The following PDZD2 variants were observed in gnomAD, a reference collection of about 807,000 sequenced individuals.
The protein encoded by PDZD2 is PDZ domain-containing protein 2.
PDZD2 carries 90 observed loss-of-function variants against 220.7 expected under a neutral mutation model. That is an observed-to-expected ratio of 0.41 (90% CI 0.34 to 0.49). The LOEUF is 0.49. Ranked by LOEUF, PDZD2 falls within the 20% of genes least tolerant of loss-of-function variation. The pLI is 0.28. For missense variants in PDZD2, 3,174 were observed against 3,608.5 expected, an observed-to-expected ratio of 0.88 and a Z score of 3.08; for synonymous variants, 1,375 against 1,450.5, an observed-to-expected ratio of 0.95 and a Z score of 1.18.
chr5:31,777,974 A>G (rs1471906747), intron 1 of PDZD2, among the ~76,000 whole-genome samples: 2 of 142,970 alleles, frequency 1.4e-5, no homozygotes, highest in Non-Finnish European at 3.0e-5. Flanking sequence ...TTTTATGTCT[A>G]GCTGTAGGAT....
intron 1 of PDZD2, among the ~76,000 whole-genome samples, chr5:31,696,435 A>AT (rs1404015604): frequency 6.6e-6 from 1 of 151,502 alleles, no homozygotes; most frequent in Admixed American, 6.6e-5. Flanking sequence ...AGCTGGGACT[A>AT]CAGGCACACA....
chr5:31,775,888 C>G (rs1034326552), intron 1 of PDZD2, among the ~76,000 whole-genome samples: 1 of 152,008 alleles, frequency 6.6e-6, no homozygotes, highest in East Asian at 1.9e-4. Context: ...CTGGCTCTCC[C>G]GGGCCCTGTG....
At chr5:31,849,985 T>TC (rs1561507508) in intron 2 of PDZD2, among the ~76,000 whole-genome samples, 3,923 of 38,084 alleles carry the variant, frequency 0.1, 1,182 homozygotes, top group African/African-American at 0.36. Flanking sequence ...TATACATATA[T>TC]ATATATACAC....
Position 32,000,353 on chromosome 5 carries a change from C to T in PDZD2, c.1254+82C>T, listed in dbSNP as rs1752003262. ...AGCCCCACCTCCCATGCCACACACA[C>T]ACACAAAGACATGTGTGCACTTGTA... On this transcript the variant is annotated intron_variant, in intron 5 of 24. Coordinates refer to ENST00000438447, the MANE Select transcript of PDZD2 (RefSeq NM_178140.4). This position sits in a 1 kb window ranked among gnomAD's most constrained non-coding sequence, Gnocchi z 4.5. 1.4e-6 allele frequency: 2 copies of T among 1,401,946 alleles called. No homozygotes were observed. The highest frequency in any genetic ancestry group is 2.0e-6 in the Non-Finnish European group (2 of 992,582). The allele number at this position is 1,401,946 out of a possible 1,614,324, so 86.8% of individuals were successfully genotyped here.
intron 6 of PDZD2, among the ~76,000 whole-genome samples, chr5:32,014,729 T>G (rs1461384499): frequency 8.6e-4 from 42 of 48,774 alleles, no homozygotes; most frequent in African/African-American, 1.8e-3. Context: ...TTTTTTTTTT[T>G]TTTTTGAGAT....
chr5:31,856,189 C>G (rs187840392), intron 2 of PDZD2, among the ~76,000 whole-genome samples: 2 of 152,316 alleles, frequency 1.3e-5, no homozygotes, highest in Admixed American at 6.5e-5. Context: ...TCGTCCCCAG[C>G]TGCTAATCTG....
In PDZD2 at chr5:31,773,217, T is replaced by C. The variant is rs569657569; in HGVS notation, c.-360-25672T>C. 1.1e-3 allele frequency among the ~76,000 whole-genome samples: 175 copies of C among 152,344 alleles called. 7 individuals carry two copies. The South Asian group carries it at 0.035, about 30-fold the overall frequency. On this transcript the variant is annotated intron_variant, in intron 1 of 24. Coordinates refer to ENST00000438447, the MANE Select transcript of PDZD2 (RefSeq NM_178140.4). Reference sequence around the variant, plus strand: ...AAACTGGTTCCAAAACCAAGTCAACTTGGGGCTAGTAGCCCCTTTCCTTTA... The same window carrying C: ...AAACTGGTTCCAAAACCAAGTCAACCTGGGGCTAGTAGCCCCTTTCCTTTA...
chr5:31,886,728 T>G (rs13185458), intron 2 of PDZD2, among the ~76,000 whole-genome samples: 5 of 150,982 alleles, frequency 3.3e-5, no homozygotes, highest in Admixed American at 2.6e-4. Flanking sequence ...GACGGAGTCT[T>G]GCTCTGTCGC....
intron 14 of PDZD2, among the ~76,000 whole-genome samples, chr5:32,068,604 C>A (rs1185912303): frequency 2.0e-5 from 3 of 152,122 alleles, no homozygotes. Flanking sequence ...GTAGTACTTG[C>A]AAAGGACACT....
rs1554045709 is a variant in PDZD2 at position 32,108,430 on chromosome 5, C to CTTTA, written c.*299_*302dup. 4.9e-6 allele frequency: 1 copy of CTTTA among 203,606 alleles called. No individual in the cohort carries two copies. The highest frequency in any genetic ancestry group is 2.3e-5 in the African/African-American group (1 of 43,356). The allele number at this position is 203,606 out of a possible 1,614,324, so 12.6% of individuals were successfully genotyped here. On this transcript the variant is annotated 3_prime_UTR_variant, in exon 25 of 25. Transcript: ENST00000438447. Reference sequence around the variant, plus strand: ...GGGATACAAGATGTGACACACCCTTCTTTATTTGAAACAAACAAACATTTA... The same window carrying CTTTA: ...GGGATACAAGATGTGACACACCCTTCTTTATTTATTTGAAACAAACAAACATTTA...
intron 5 of PDZD2, among the ~76,000 whole-genome samples, chr5:32,003,566 C>T (rs1401538286): frequency 6.6e-6 from 1 of 151,844 alleles, no homozygotes; most frequent in Non-Finnish European, 1.5e-5. Context: ...GCAGAGAACG[C>T]GTGTTTCATT....
At position 31,689,353 on chromosome 5, in the gene PDZD2, A is replaced by ATATATATATTTTTTTTT; in HGVS notation, c.-361+49917_-361+49918insATATATATTTTTTTTTT. 2.6e-3 allele frequency among the ~76,000 whole-genome samples: 93 copies of ATATATATATTTTTTTTT among 35,102 alleles called. 2 individuals carry two copies. The highest frequency in any genetic ancestry group is 3.0e-3 in the Non-Finnish European group (72 of 23,894). The allele number at this position is 35,102 out of a possible 152,430, so 23.0% of individuals were successfully genotyped here. A position where few individuals can be genotyped will look rare whatever the true frequency, so the allele number is the denominator to read the frequency against. ...TACATATACATATATATATATATAT[A>ATATATATATTTTTTTTT]TTTTTTTTTTTTTTTTTTTTAAGTC... On this transcript the variant is annotated intron_variant, in intron 1 of 24. Coordinates refer to ENST00000438447, the MANE Select transcript of PDZD2 (RefSeq NM_178140.4).
At chr5:32,086,345 A>T (rs1742443729) in intron 19 of PDZD2, among the ~76,000 whole-genome samples, 1 of 152,192 alleles carries the variant, frequency 6.6e-6, no homozygotes, top group Non-Finnish European at 1.5e-5. Context: ...ACCAAATAGA[A>T]CAAGAGCCTG....
At chr5:31,903,123 T>C (rs930057408) in intron 2 of PDZD2, among the ~76,000 whole-genome samples, 50 of 151,740 alleles carry the variant, frequency 3.3e-4, no homozygotes, top group Admixed American at 2.0e-4. Flanking sequence ...GGTGAAACCC[T>C]GTCTTTCCTA....
At chr5:32,038,641 A>G (rs552914948) in intron 7 of PDZD2, among the ~76,000 whole-genome samples, 1 of 152,332 alleles carries the variant, frequency 6.6e-6, no homozygotes, top group Non-Finnish European at 1.5e-5. Flanking sequence ...GATATTTAAA[A>G]GGAAACACTT....
chr5:31,880,791 C>CTTTTTTTCTTTTTTTTTT (rs1580978227), intron 2 of PDZD2, among the ~76,000 whole-genome samples: 45 of 76,476 alleles, frequency 5.9e-4, no homozygotes, highest in Non-Finnish European at 7.6e-4. Flanking sequence ...TTTTTTTTTT[C>CTTTTTTTCTTTTTTTTTT]TTTTTTTTTT....
chr5:31,855,038 T>C (rs1758315631), intron 2 of PDZD2: 1 of 985,214 alleles, frequency 1.0e-6, no homozygotes, highest in Non-Finnish European at 1.2e-6. Flanking sequence ...TGCAGGTGAT[T>C]AGGCTAATGA....
intron 2 of PDZD2, among the ~76,000 whole-genome samples, chr5:31,923,177 C>A (rs1744432681): frequency 6.6e-6 from 1 of 152,104 alleles, no homozygotes. Flanking sequence ...CACCTGTAAT[C>A]CCAGCTACTC....
intron 5 of PDZD2, among the ~76,000 whole-genome samples, chr5:32,006,898 C>T (rs1433534997): frequency 1.4e-5 from 2 of 138,348 alleles, no homozygotes; most frequent in Non-Finnish European, 3.1e-5. Flanking sequence ...CTATGTTAGC[C>T]ATGCTGGTCT....
Sources: gnomAD v4.1 joint callset for allele counts (sites outside exome capture counted in the v4.1 genomes callset) on GRCh38, gnomAD v4.1.1 for gene constraint, Gnocchi (gnomAD v3.1) non-coding constraint, MANE v1.5 for transcripts, NCBI Gene and HGNC (gene_info 2026-07-23, HGNC 2026-07-21) for gene names.